The following SLC4A4 variants were observed in gnomAD, a reference collection of about 807,000 sequenced individuals.
SLC4A4 encodes the protein electrogenic sodium bicarbonate cotransporter 1.
SLC4A4 carries 27 observed loss-of-function variants against 111.5 expected under a neutral mutation model. The ratio of observed to expected loss-of-function variants is 0.24; its 90% CI spans 0.18 to 0.33. SLC4A4 has a LOEUF of 0.33. Among genes scored for constraint, SLC4A4 ranks in the 10% least tolerant of loss-of-function variants. SLC4A4 has a pLI of 1.00. For synonymous variants in SLC4A4, 443 were observed against 463.4 expected (o/e 0.96, Z 0.57); for missense variants, 909 against 1,315.5 (o/e 0.69, Z 4.78).
intron 6 of SLC4A4, among the ~76,000 whole-genome samples, chr4:71,358,310 G>C (rs537781000): frequency 6.8e-6 from 1 of 146,420 alleles, no homozygotes; most frequent in Admixed American, 6.8e-5. Flanking sequence ...GCGAGACTCC[G>C]TCTGAAAAAA....
intron 4 of SLC4A4, 116 bp downstream of exon 4, chr4:71,339,621 A>T (rs1414353391): frequency 2.1e-6 from 2 of 957,672 alleles, no homozygotes; most frequent in African/African-American, 3.2e-5. Flanking sequence ...AATGGGCATG[A>T]TGTTGGCTGG....
chr4:71,147,092 G>C (rs1744196021), intron 2 of SLC4A4, among the ~76,000 whole-genome samples: 1 of 152,114 alleles, frequency 6.6e-6, no homozygotes, highest in Non-Finnish European at 1.5e-5. Context: ...TGCAATCCTA[G>C]TCTCAGATAA....
intron 1 of SLC4A4, among the ~76,000 whole-genome samples, chr4:71,230,756 T>C (rs1719368683): frequency 6.6e-6 from 1 of 152,176 alleles, no homozygotes; most frequent in East Asian, 1.9e-4. Context: ...CAGAGCAGGC[T>C]GTGGAAGAGA....
chr4:71,324,264 C>T (rs1171922812), intron 3 of SLC4A4, among the ~76,000 whole-genome samples: 1 of 151,920 alleles, frequency 6.6e-6, no homozygotes, highest in Non-Finnish European at 1.5e-5. Context: ...TGTTTAGTTT[C>T]ATCATTAGTT....
Position 71,570,472 on chromosome 4 carries a change from A to G in SLC4A4, c.*2721A>G, listed in dbSNP as rs530659066. 6.6e-6 allele frequency: 1 copy of G among 152,356 alleles called. No individual in the cohort carries two copies. The highest frequency in any genetic ancestry group is 2.1e-4 in the South Asian group (1 of 4,822). 9.4% of individuals were successfully genotyped at this position (152,356 alleles called of 1,614,324 possible). A position where few individuals can be genotyped will look rare whatever the true frequency, so the allele number is the denominator to read the frequency against. ...CCTGAGGTTTACCTAGTGACACCAA[A>G]TTATCGGTATTTTAACTGAATTTAC... On this transcript the variant is annotated 3_prime_UTR_variant, in exon 26 of 26. Transcript: ENST00000264485.
At chr4:71,210,422 A>G (rs886270675) in intron 1 of SLC4A4, among the ~76,000 whole-genome samples, 2 of 152,240 alleles carry the variant, frequency 1.3e-5, no homozygotes, top group African/African-American at 2.4e-5. Flanking sequence ...GTTGCCAGAA[A>G]TGTTGAAGAA....
At chr4:71,269,358 C>T (rs147418467) in intron 3 of SLC4A4, among the ~76,000 whole-genome samples, 6 of 152,194 alleles carry the variant, frequency 3.9e-5, no homozygotes, top group East Asian at 1.9e-4. Flanking sequence ...TAGCTTTTAC[C>T]GTATTTGAAA....
At chr4:71,336,158 T>A (rs572275827) in intron 3 of SLC4A4, among the ~76,000 whole-genome samples, 13 of 152,302 alleles carry the variant, frequency 8.5e-5, no homozygotes, top group Admixed American at 5.9e-4. Context: ...CACTTTGGAA[T>A]TTATAGAAAA....
intron 3 of SLC4A4, among the ~76,000 whole-genome samples, chr4:71,287,110 C>T (rs1723975248): frequency 6.6e-6 from 1 of 151,952 alleles, no homozygotes. Context: ...ATGTCTGTGT[C>T]CTAAGAAGGA....
intron 8 of SLC4A4, 103 bp downstream of exon 8, chr4:71,440,876 C>G (rs1285369799): frequency 7.6e-7 from 1 of 1,312,848 alleles, no homozygotes; most frequent in Non-Finnish European, 1.1e-6. Context: ...AGTGCAAACA[C>G]ATTGGAGAGG....
chr4:71,135,082 C>T (rs1023576847), intron 2 of SLC4A4, among the ~76,000 whole-genome samples: 2 of 151,994 alleles, frequency 1.3e-5, no homozygotes, highest in African/African-American at 2.4e-5. Flanking sequence ...TGTTCTTTAG[C>T]ATAAGTTCCA....
intron 2 of SLC4A4, among the ~76,000 whole-genome samples, chr4:71,107,836 T>C (rs989872979): frequency 2.0e-5 from 3 of 149,558 alleles, no homozygotes; most frequent in African/African-American, 7.4e-5. Context: ...GCCGCCTGAG[T>C]AGCTGGGACT....
chr4:71,546,951 T>C (rs1735588793), intron 19 of SLC4A4, among the ~76,000 whole-genome samples: 2 of 151,974 alleles, frequency 1.3e-5, no homozygotes, highest in Admixed American at 1.3e-4. Flanking sequence ...TGAGAAACTT[T>C]AACCTCCAGA....
intron 18 of SLC4A4, among the ~76,000 whole-genome samples, chr4:71,536,642 G>T (rs1734529767): frequency 6.6e-6 from 1 of 150,404 alleles, no homozygotes; most frequent in Non-Finnish European, 1.5e-5. Context: ...AATTACAGGG[G>T]CATGCCACCA....
chr4:71,244,015 G>A (rs1020063596), intron 2 of SLC4A4, among the ~76,000 whole-genome samples: 15 of 152,092 alleles, frequency 9.9e-5, no homozygotes, highest in Admixed American at 3.9e-4. Context: ...TAGAGGAATG[G>A]AATTACATTG....
At chr4:71,120,946 A>G (rs1029546449) in intron 2 of SLC4A4, among the ~76,000 whole-genome samples, 1 of 152,158 alleles carries the variant, frequency 6.6e-6, no homozygotes, top group African/African-American at 2.4e-5. Flanking sequence ...GCCGGCAGGA[A>G]CCAGGGCAGC....
intron 1 of SLC4A4, among the ~76,000 whole-genome samples, chr4:71,214,888 T>G (rs958585512): frequency 1.3e-5 from 2 of 152,234 alleles, no homozygotes; most frequent in Non-Finnish European, 2.9e-5. Context: ...GGATTCACAG[T>G]TGATGCAGTA....
At chr4:71,189,330 C>T (rs1173869631) in intron 1 of SLC4A4, among the ~76,000 whole-genome samples, 4 of 152,050 alleles carry the variant, frequency 2.6e-5, no homozygotes, top group Admixed American at 6.6e-5. Context: ...TTTTAGTTCA[C>T]GTAGTCAATA....
chr4:71,411,368 C>G (rs1488257439), intron 7 of SLC4A4, among the ~76,000 whole-genome samples: 1 of 152,066 alleles, frequency 6.6e-6, no homozygotes, highest in African/African-American at 2.4e-5. Context: ...ACACGCCCCC[C>G]CCCTCTTGCC....
Sources: gnomAD v4.1 joint callset for allele counts (sites outside exome capture counted in the v4.1 genomes callset) on GRCh38, gnomAD v4.1.1 for gene constraint, MANE v1.5 for transcripts, NCBI Gene and HGNC (gene_info 2026-07-23, HGNC 2026-07-21) for gene names.